Variants in ATRNL1 observed in about 807,000 individuals in gnomAD.
The protein encoded by ATRNL1 is attractin-like protein 1.
In ATRNL1, 95 loss-of-function variants were observed where a neutral mutation model predicts 182.7. That is an observed-to-expected ratio of 0.52 (90% CI 0.44 to 0.62). ATRNL1 has a LOEUF of 0.62. ATRNL1 is among the 20% of genes least tolerant of loss of function. ATRNL1 has a pLI of 0.00. For synonymous variants in ATRNL1, 576 were observed against 568.3 expected (o/e 1.01, Z -0.19); for missense variants, 1,471 against 1,679.5 (o/e 0.88, Z 2.17).
rs201907311 is a variant in ATRNL1, at chr10:115,146,565, T to TG, written c.830-13474dup. On this transcript the variant is annotated intron_variant, in intron 5 of 28. Transcript: ENST00000355044. Reference sequence around the variant, plus strand: ...TACACTGCCATTGAATATTATAATTTGTATCTTCTAACTATATGTTTGTAT... The same window carrying TG: ...TACACTGCCATTGAATATTATAATTTGGTATCTTCTAACTATATGTTTGTAT... 4.9e-3 allele frequency among the ~76,000 whole-genome samples: 740 copies of TG among 152,202 alleles called. 4 individuals carry two copies. Among genetic ancestry groups the TG allele is most frequent in the African/African-American group, 0.016 (654 of 41,550 alleles).
rs1260545703 is a variant in ATRNL1 at position 115,946,411 on chromosome 10, T to C, written c.*1632T>C. 1 of 152,204 alleles carries C rather than the reference T, an allele frequency of 6.6e-6. No individual in the cohort carries two copies. Among genetic ancestry groups the C allele is most frequent in the Non-Finnish European group, 1.5e-5 (1 of 68,040 alleles). 9.4% of individuals were successfully genotyped at this position (152,204 alleles called of 1,614,324 possible). A position where few individuals can be genotyped will look rare whatever the true frequency, so the allele number is the denominator to read the frequency against. ...ATATAAGAGGAATGATCATACAATA[T>C]GTAGTTGCATCTTATATAAGATTTC... On this transcript the variant is annotated 3_prime_UTR_variant, in exon 29 of 29. Coordinates refer to ENST00000355044, the MANE Select transcript of ATRNL1 (RefSeq NM_207303.4).
At chr10:115,244,778 C>A (rs902935137) in intron 10 of ATRNL1, among the ~76,000 whole-genome samples, 7 of 152,120 alleles carry the variant, frequency 4.6e-5, no homozygotes, top group Non-Finnish European at 8.8e-5. Context: ...GTAAAGATAA[C>A]CTTCTATTTA....
chr10:115,658,393 A>G (rs1444794296), intron 26 of ATRNL1, among the ~76,000 whole-genome samples: 1 of 152,054 alleles, frequency 6.6e-6, no homozygotes, highest in Non-Finnish European at 1.5e-5. Context: ...CTCTTACCCA[A>G]AATAGATGGA....
intron 27 of ATRNL1, among the ~76,000 whole-genome samples, chr10:115,771,168 A>G (rs1176995921): frequency 2.0e-5 from 3 of 152,016 alleles, no homozygotes; most frequent in African/African-American, 4.8e-5. Flanking sequence ...CAGAGCAACC[A>G]GGGTTAAATG....
chr10:115,711,112 A>G (rs1313414749), intron 26 of ATRNL1, among the ~76,000 whole-genome samples: 1 of 152,148 alleles, frequency 6.6e-6, no homozygotes, highest in African/African-American at 2.4e-5. Flanking sequence ...ATAGGAACTA[A>G]CAGTTAATTT....
At chr10:115,916,448 G>A (rs1952854308) in intron 28 of ATRNL1, among the ~76,000 whole-genome samples, 1 of 152,140 alleles carries the variant, frequency 6.6e-6, no homozygotes, top group African/African-American at 2.4e-5. Flanking sequence ...CCAACACAGA[G>A]GCAAAGAAGC....
chr10:115,914,004 G>A (rs1442579832), intron 28 of ATRNL1, among the ~76,000 whole-genome samples: 3 of 152,146 alleles, frequency 2.0e-5, no homozygotes, highest in Non-Finnish European at 2.9e-5. Context: ...CGTTTTGGGG[G>A]AGGGACCTCA....
intron 26 of ATRNL1, among the ~76,000 whole-genome samples, chr10:115,558,722 C>A (rs1411285112): frequency 6.6e-6 from 1 of 152,108 alleles, no homozygotes; most frequent in Non-Finnish European, 1.5e-5. Context: ...TTGGTGTTTT[C>A]TGTTTTAGAA....
In ATRNL1 at chr10:115,746,020, T is replaced by C. The variant is rs1948282327; in HGVS notation, c.3903+18665T>C. ...AGGCCTTCTTAGTGAAATAACTCCA[T>C]TATATAAGAAAAGAAATATTAATAT... On this transcript the variant is annotated intron_variant, in intron 27 of 28. Transcript: ENST00000355044. 3.3e-5 allele frequency among the ~76,000 whole-genome samples: 5 copies of C among 152,112 alleles called. No homozygotes were observed. The South Asian group carries it at 1.0e-3, about 31-fold the overall frequency.
intron 9 of ATRNL1, among the ~76,000 whole-genome samples, chr10:115,220,724 TGGG>T (rs58458401): frequency 0.13 from 2,696 of 20,358 alleles, 126 homozygotes; most frequent in African/African-American, 0.23. Context: ...AATAAAATAA[TGGG>T]GGGGGGGGGG....
At chr10:115,280,662 A>C (rs1554916508) in intron 13 of ATRNL1, among the ~76,000 whole-genome samples, 1 of 152,156 alleles carries the variant, frequency 6.6e-6, no homozygotes, top group African/African-American at 2.4e-5. Flanking sequence ...CTTACAGCTG[A>C]CTTCAAGGGC....
At chr10:115,125,546 T>A (rs917216757) in intron 3 of ATRNL1, among the ~76,000 whole-genome samples, 23 of 152,096 alleles carry the variant, frequency 1.5e-4, no homozygotes, top group Non-Finnish European at 1.5e-5. Context: ...TGGACGTTGT[T>A]GTTTGGAAAA....
chr10:115,657,258 G>A (rs1442568958), intron 26 of ATRNL1, among the ~76,000 whole-genome samples: 1 of 152,156 alleles, frequency 6.6e-6, no homozygotes, highest in East Asian at 1.9e-4. Context: ...ACATAACGAT[G>A]TAGTTAGATG....
chr10:115,407,769 G>C (rs1844904394), intron 20 of ATRNL1, among the ~76,000 whole-genome samples: 1 of 152,046 alleles, frequency 6.6e-6, no homozygotes, highest in Non-Finnish European at 1.5e-5. Context: ...TGCATCATAT[G>C]TATGGTAGTT....
At chr10:115,394,123 A>G (rs868920982) in intron 19 of ATRNL1, among the ~76,000 whole-genome samples, 1 of 152,066 alleles carries the variant, frequency 6.6e-6, no homozygotes, top group African/African-American at 2.4e-5. Context: ...TGGAAGTAAT[A>G]TCTGCCAATT....
chr10:115,422,312 C>T (rs782491742), intron 20 of ATRNL1, among the ~76,000 whole-genome samples: 67 of 152,212 alleles, frequency 4.4e-4, no homozygotes, highest in Non-Finnish European at 7.9e-4. Context: ...GATCTAATAT[C>T]TAGAATCTAT....
chr10:115,570,777 C>A (rs1555003225), intron 26 of ATRNL1, among the ~76,000 whole-genome samples: 1 of 152,030 alleles, frequency 6.6e-6, no homozygotes, highest in Non-Finnish European at 1.5e-5. Context: ...TGAGATGCTC[C>A]TTTTTGGAAT....
intron 28 of ATRNL1, among the ~76,000 whole-genome samples, chr10:115,943,858 C>T (rs1049650748): frequency 3.3e-5 from 5 of 151,888 alleles, no homozygotes; most frequent in African/African-American, 4.8e-5. Flanking sequence ...TAAAAGGAAA[C>T]GAGTTATCAA....
intron 13 of ATRNL1, among the ~76,000 whole-genome samples, chr10:115,276,091 G>T (rs1018804720): frequency 6.6e-6 from 1 of 152,230 alleles, no homozygotes; most frequent in Non-Finnish European, 1.5e-5. Context: ...GGTGGTAGTA[G>T]ATTTGGTATC....
Sources: gnomAD v4.1 joint callset for allele counts (sites outside exome capture counted in the v4.1 genomes callset) on GRCh38, gnomAD v4.1.1 for gene constraint, MANE v1.5 for transcripts, NCBI Gene and HGNC (gene_info 2026-07-23, HGNC 2026-07-21) for gene names.